TGFBR3: variants seen among roughly 807,000 people sequenced by gnomAD.
TGFBR3 encodes the protein transforming growth factor beta receptor type 3.
TGFBR3 carries 46 observed loss-of-function variants against 87.9 expected under a neutral mutation model. That is an observed-to-expected ratio of 0.52 (90% confidence interval 0.41 to 0.67). The LOEUF (loss-of-function observed/expected upper bound fraction) is 0.67, where lower values mean the gene tolerates loss of function less well. Among genes scored for constraint, TGFBR3 ranks in the 30% least tolerant of loss-of-function variants. The probability of loss-of-function intolerance (pLI) is 0.00; values close to 1 mark genes in which losing one functional copy is unlikely to be tolerated. For synonymous variants in TGFBR3, 381 were observed against 391.6 expected, an observed-to-expected ratio of 0.97 and a Z score of 0.32; for missense variants, 866 against 1,041.9, an observed-to-expected ratio of 0.83 and a Z score of 2.32.
intron 3 of TGFBR3, among the ~76,000 whole-genome samples, chr1:91,774,608 C>T (rs1674504909): frequency 6.6e-6 from 1 of 152,126 alleles, no homozygotes; most frequent in African/African-American, 2.4e-5. Context: ...GGGATAAATC[C>T]TCCTCAGTAA....
chr1:91,898,727 A>T (rs1177103925), intron 2 of TGFBR3, among the ~76,000 whole-genome samples: 1 of 152,166 alleles, frequency 6.6e-6, no homozygotes, highest in East Asian at 1.9e-4. Flanking sequence ...GTGAGCGAAC[A>T]CGTCTGGCTG....
Position 91,712,615 on chromosome 1 carries a change from T to C in TGFBR3, c.1867-73A>G, listed in dbSNP as rs573785401. The C allele has an allele frequency of 1.3e-4, 180 of 1,423,820 alleles. 1 individual carries two copies. In the East Asian group the frequency reaches 3.9e-3, roughly 31 times the overall value. 88.2% of individuals were successfully genotyped at this position (1,423,820 alleles called of 1,614,324 possible). ...TTTCACTTTAGGCACAAGGACCATATGCCAAGACAGCCCTTCAGATGACAC... is the reference window on the plus strand; with the variant it reads ...TTTCACTTTAGGCACAAGGACCATACGCCAAGACAGCCCTTCAGATGACAC... On this transcript the variant is annotated intron_variant, in intron 12 of 16. Transcript: ENST00000212355.
chr1:91,847,008 T>C (rs201234035), intron 2 of TGFBR3, among the ~76,000 whole-genome samples: 1 of 152,306 alleles, frequency 6.6e-6, no homozygotes, highest in East Asian at 1.9e-4. Context: ...GACCACCACC[T>C]GAGTCTTGCG....
At chr1:91,833,254 C>A (rs1676923031) in intron 2 of TGFBR3, among the ~76,000 whole-genome samples, 1 of 132,474 alleles carries the variant, frequency 7.5e-6, no homozygotes, top group Non-Finnish European at 1.5e-5. Flanking sequence ...CGAGATCACT[C>A]CATTGCACTC....
At chr1:91,849,401 C>T (rs1343506435) in intron 2 of TGFBR3, among the ~76,000 whole-genome samples, 2 of 152,174 alleles carry the variant, frequency 1.3e-5, no homozygotes, top group Non-Finnish European at 2.9e-5. Flanking sequence ...CTGAGCACTG[C>T]AAGCAAACTT....
At chr1:91,704,338 A>C (rs1039586329) in intron 14 of TGFBR3, among the ~76,000 whole-genome samples, 14 of 151,866 alleles carry the variant, frequency 9.2e-5, no homozygotes, top group African/African-American at 3.4e-4. Flanking sequence ...AAAAAAAAAA[A>C]AAAAAGAAAG....
At chr1:91,780,748 G>A (rs1051853835) in intron 3 of TGFBR3, among the ~76,000 whole-genome samples, 3 of 151,434 alleles carry the variant, frequency 2.0e-5, no homozygotes, top group South Asian at 2.1e-4. Flanking sequence ...TAGTAGAGAC[G>A]GGTTTCACCA....
At chr1:91,744,753 T>C (rs1032275225) in intron 4 of TGFBR3, among the ~76,000 whole-genome samples, 4 of 152,204 alleles carry the variant, frequency 2.6e-5, no homozygotes, top group South Asian at 2.1e-4. Flanking sequence ...GCCATAGATA[T>C]GAATATTATT....
At chr1:91,684,788 A>G (rs1007786767) in intron 16 of TGFBR3, among the ~76,000 whole-genome samples, 2 of 152,226 alleles carry the variant, frequency 1.3e-5, no homozygotes, top group Non-Finnish European at 2.9e-5. Context: ...GGGCTCTCCA[A>G]TAAAAAACAC....
rs1673331103 is a variant in TGFBR3 at position 91,745,948 on chromosome 1, C to T, written c.385-10989G>A. The stretch of plus-strand genomic sequence containing the variant: ...ATTCTTGGGTGATTTTATTTAGTAC[C>T]CCAAACCAGATTACTTTCTTCCAAT... On this transcript the variant is annotated intron_variant, in intron 4 of 16. Transcript: ENST00000212355. 2.0e-5 allele frequency among the ~76,000 whole-genome samples: 3 copies of T among 152,114 alleles called. No individual in the cohort carries two copies. The South Asian group carries it at 6.2e-4, about 32-fold the overall frequency.
At position 91,682,778 on chromosome 1, in the gene TGFBR3, C is replaced by G. The variant is rs186173500; in HGVS notation, c.*961G>C. 2.8e-4 allele frequency: 125 copies of G among 453,806 alleles called. No homozygotes were observed. Among genetic ancestry groups the G allele is most frequent in the Middle Eastern group, 6.8e-4 (1 of 1,466 alleles). 28.1% of individuals were successfully genotyped at this position (453,806 alleles called of 1,614,324 possible). A position where few individuals can be genotyped will look rare whatever the true frequency, so the allele number is the denominator to read the frequency against. ...AGTTGCAACTCTAAAAGCATAAGGA[C>G]ATTTTCAAATTTTCTCTTCTTCAAC... On this transcript the variant is annotated 3_prime_UTR_variant, in exon 17 of 17. Coordinates refer to ENST00000212355, the MANE Select transcript of TGFBR3 (RefSeq NM_003243.5).
At chr1:91,820,844 A>G (rs1336728689) in intron 2 of TGFBR3, among the ~76,000 whole-genome samples, 1 of 152,154 alleles carries the variant, frequency 6.6e-6, no homozygotes, top group African/African-American at 2.4e-5. Context: ...TTCTAAAACT[A>G]TGTGTATTTG....
At chr1:91,866,718 C>T (rs1460720872) in intron 1 of TGFBR3, 5 of 152,184 alleles carry the variant, frequency 3.3e-5, no homozygotes, top group South Asian at 2.1e-4. Flanking sequence ...TGTAACTACA[C>T]GATATAATCA....
At chr1:91,808,116 C>G (rs570794701) in intron 2 of TGFBR3, among the ~76,000 whole-genome samples, 5 of 152,188 alleles carry the variant, frequency 3.3e-5, no homozygotes, top group African/African-American at 1.2e-4. Flanking sequence ...ATGAATTGCA[C>G]TGGAAAGACT....
At chr1:91,691,959 T>C (rs1035497543) in intron 16 of TGFBR3, among the ~76,000 whole-genome samples, 6 of 151,780 alleles carry the variant, frequency 4.0e-5, no homozygotes, top group African/African-American at 1.2e-4. Flanking sequence ...GATTGCGCCA[T>C]TGCACTCCAG....
At position 91,683,115 on chromosome 1, in the gene TGFBR3, G is replaced by A. The variant is rs1239796504; in HGVS notation, c.*624C>T. 2 of 454,410 alleles carry A rather than the reference G, an allele frequency of 4.4e-6. No individual in the cohort carries two copies. The highest frequency in any genetic ancestry group is 6.8e-4 in the Middle Eastern group (1 of 1,466). The allele number at this position is 454,410 out of a possible 1,614,324, so 28.1% of individuals were successfully genotyped here. ...TGGTTTTGGCCCAGGGCACAAGAAAGGAATGTTGCCTTAACACTTGTCAGG... is the reference window on the plus strand; with the variant it reads ...TGGTTTTGGCCCAGGGCACAAGAAAAGAATGTTGCCTTAACACTTGTCAGG... On this transcript the variant is annotated 3_prime_UTR_variant, in exon 17 of 17. Coordinates refer to ENST00000212355, the MANE Select transcript of TGFBR3 (RefSeq NM_003243.5).
At chr1:91,727,097 C>T (rs1373033143) in intron 7 of TGFBR3, among the ~76,000 whole-genome samples, 20 of 152,210 alleles carry the variant, frequency 1.3e-4, no homozygotes, top group Non-Finnish European at 1.5e-5. Flanking sequence ...TCACTGACTT[C>T]GCACTTACTG....
rs111512659 is a variant in TGFBR3, at chr1:91,904,563, AT to A, written c.-175+1262del. Among the ~76,000 whole-genome samples the A allele has an allele frequency of 5.6e-3, 645 of 115,088 alleles. 5 individuals are homozygous for A. Among genetic ancestry groups the A allele is most frequent in the African/African-American group, 0.016 (497 of 30,408 alleles). The allele number at this position is 115,088 out of a possible 152,430, so 75.5% of individuals were successfully genotyped here. A position where few individuals can be genotyped will look rare whatever the true frequency, so the allele number is the denominator to read the frequency against. On this transcript the variant is annotated intron_variant, in intron 1 of 17. Transcript: ENST00000370399. The stretch of plus-strand genomic sequence containing the variant: ...AGACGCGTGCCACCACATGCAGCTG[AT>A]TTTTTTTTTTTTTTTTTGAGGTGGA...
chr1:91,711,169 T>C (rs11811962), intron 13 of TGFBR3, among the ~76,000 whole-genome samples: 12,896 of 152,270 alleles, frequency 0.085, 566 homozygotes, highest in African/African-American at 0.095. Context: ...GGTGAATGCC[T>C]ACAAGGCTAA....
Sources: allele counts gnomAD v4.1 joint callset (sites outside exome capture counted in the v4.1 genomes callset), GRCh38; gene constraint gnomAD v4.1.1; transcripts MANE v1.5; gene names NCBI Gene and HGNC (gene_info 2026-07-23, HGNC 2026-07-21).